Variants in RUFY1 observed in about 807,000 individuals in gnomAD.
RUFY1 encodes the protein RUN and FYVE domain-containing protein 1.
Under a neutral mutation model 94.6 loss-of-function variants are expected in RUFY1, and 54 were observed. That is an observed-to-expected ratio of 0.57 (90% CI 0.46 to 0.72). RUFY1 has a LOEUF of 0.72. Ranked by LOEUF, RUFY1 falls within the 30% of genes least tolerant of loss-of-function variation. The probability of loss-of-function intolerance (pLI) is 0.00; values close to 1 mark genes in which losing one functional copy is unlikely to be tolerated. For missense variants in RUFY1, 883 were observed against 883.9 expected (o/e 1.00, Z 0.01); for synonymous variants, 396 against 347.3 (o/e 1.14, Z -1.56).
At chr5:179,580,542 A>AGTTTTTTTT (rs1039678004) in intron 6 of RUFY1, among the ~76,000 whole-genome samples, 1 of 139,750 alleles carries the variant, frequency 7.2e-6, no homozygotes, top group Non-Finnish European at 1.5e-5. Flanking sequence ...ACGCCTGGCC[A>AGTTTTTTTT]GTTTTTTTTG....
intron 5 of RUFY1, chr5:179,572,109 C>T (rs748961707): frequency 5.4e-6 from 1 of 183,684 alleles, no homozygotes; most frequent in South Asian, 8.7e-5. Context: ...TGAGTCCACG[C>T]GTCTGGTTGT....
chr5:179,576,607 G>A (rs1763630687), intron 5 of RUFY1, among the ~76,000 whole-genome samples: 1 of 152,018 alleles, frequency 6.6e-6, no homozygotes, highest in South Asian at 2.1e-4. Context: ...TTTTAGTAGA[G>A]ACAGGGTTTC....
chr5:179,592,527 C>T (rs924669654), intron 10 of RUFY1, among the ~76,000 whole-genome samples: 57 of 152,318 alleles, frequency 3.7e-4, no homozygotes, highest in Admixed American at 2.7e-3. Context: ...GCTGGGATTA[C>T]AGGCGTGAGC....
chr5:179,609,426 C>G lies in RUFY1; in HGVS notation c.2034C>G (p.Asn678Lys), dbSNP rs765631281. 6 of 1,613,322 alleles carry G rather than the reference C, an allele frequency of 3.7e-6. No homozygotes were observed. The African/African-American group carries it at 5.3e-5, about 14-fold the overall frequency. The change falls in exon 18 of 18, where the codon AAC becomes AAG. Residue 678 changes from asparagine (N) to lysine (K), a missense_variant. By Grantham distance (94) the Asn-to-Lys change is moderately conservative. Transcript: ENST00000319449. ...GHIFCNTCSS[N>K]ELALPSYPKP... ...TCTTCTGCAACACCTGCTCCAGCAA[C>G]GAGCTGGCCCTGCCCTCCTACCCCA...
At chr5:179,568,012 A>G (rs1255527004) in intron 4 of RUFY1, among the ~76,000 whole-genome samples, 1 of 152,226 alleles carries the variant, frequency 6.6e-6, no homozygotes, top group East Asian at 1.9e-4. Context: ...TGGGAGGCCA[A>G]GGCAGGCTGA....
intron 15 of RUFY1, among the ~76,000 whole-genome samples, chr5:179,603,249 A>T (rs1371356514): frequency 2.9e-5 from 4 of 135,852 alleles, no homozygotes; most frequent in African/African-American, 1.1e-4. Context: ...TGGGCAACAA[A>T]AGTGAGAATC....
chr5:179,589,502 GATTA>G (rs1397707491), intron 8 of RUFY1, 40 bp from the exon 9 acceptor site: 32 of 1,190,514 alleles, frequency 2.7e-5, no homozygotes, highest in Non-Finnish European at 3.6e-5. Context: ...TGAACAATAA[GATTA>G]ATTTTGATGT....
chr5:179,573,133 C>CA (rs1763345509), intron 5 of RUFY1, among the ~76,000 whole-genome samples: 1 of 152,146 alleles, frequency 6.6e-6, no homozygotes, highest in African/African-American at 2.4e-5. Flanking sequence ...ATGCCAGTGA[C>CA]ACATTCTTTT....
At chr5:179,607,528 A>G (rs1767229951) in intron 16 of RUFY1, 54 bp from the exon 17 acceptor site, 1 of 1,483,178 alleles carries the variant, frequency 6.7e-7, no homozygotes. Flanking sequence ...GCAGCTACCC[A>G]CTCATCAGGG....
chr5:179,579,654 C>CTTTT (rs1554118772), intron 6 of RUFY1, among the ~76,000 whole-genome samples: 2 of 38,666 alleles, frequency 5.2e-5, no homozygotes, highest in African/African-American at 8.2e-5. Flanking sequence ...CCCTTTTCTT[C>CTTTT]TTCTTTTTTT....
chr5:179,581,459 T>G lies in RUFY1; in HGVS notation c.956+447T>G, dbSNP rs932795239. ...CTTGATTTTTTTTTTTTTTTTTTTTTGCTGGAAATCTGTGGATGTGTTTCA... is the reference window on the plus strand; with the variant it reads ...CTTGATTTTTTTTTTTTTTTTTTTTGGCTGGAAATCTGTGGATGTGTTTCA... On this transcript the variant is annotated intron_variant, in intron 7 of 17. Coordinates refer to ENST00000319449, the MANE Select transcript of RUFY1 (RefSeq NM_025158.5). Among the ~76,000 whole-genome samples the G allele has an allele frequency of 3.4e-3, 472 of 140,428 alleles. 2 individuals carry two copies. The highest frequency in any genetic ancestry group is 5.0e-3 in the Non-Finnish European group (327 of 64,854). The allele number at this position is 140,428 out of a possible 152,430, so 92.1% of individuals were successfully genotyped here.
intron 11 of RUFY1, 41 bp from the exon 12 acceptor site, chr5:179,594,825 G>A (rs749993699): frequency 5.9e-5 from 70 of 1,186,886 alleles, no homozygotes; most frequent in Non-Finnish European, 5.9e-5. Context: ...GTGCAAGGAT[G>A]TGGGACAGGC....
chr5:179,608,767 A>G (rs947644576), intron 17 of RUFY1, among the ~76,000 whole-genome samples: 7 of 151,652 alleles, frequency 4.6e-5, no homozygotes, highest in Non-Finnish European at 1.0e-4. Context: ...CATCTCTACT[A>G]AAAAAATACA....
intron 13 of RUFY1, 114 bp from the exon 14 acceptor site, chr5:179,598,578 G>T: frequency 8.1e-7 from 1 of 1,237,176 alleles, no homozygotes; most frequent in South Asian, 1.4e-5. Flanking sequence ...GAAGGCTTTA[G>T]ATGCTCAAGA....
chr5:179,560,716 A>G (rs1369884057), intron 2 of RUFY1, among the ~76,000 whole-genome samples: 2 of 131,966 alleles, frequency 1.5e-5, no homozygotes, highest in African/African-American at 6.0e-5. Context: ...ACAGAGCAAG[A>G]CTCCGTCTCA....
intron 2 of RUFY1, among the ~76,000 whole-genome samples, chr5:179,560,977 G>A (rs901382958): frequency 6.6e-6 from 1 of 152,070 alleles, no homozygotes; most frequent in South Asian, 2.1e-4. Flanking sequence ...TTGGGAGGCC[G>A]AGACGGAAGG....
chr5:179,562,808 ACT>A (rs1762549230), intron 3 of RUFY1, 144 bp downstream of exon 3: 1 of 609,172 alleles, frequency 1.6e-6, no homozygotes, highest in East Asian at 2.8e-5. Flanking sequence ...GCAAGACTTG[ACT>A]CTCTCTGAGC....
intron 10 of RUFY1, among the ~76,000 whole-genome samples, chr5:179,592,915 G>T (rs916001386): frequency 2.9e-4 from 44 of 152,178 alleles, no homozygotes; most frequent in African/African-American, 9.4e-4. Flanking sequence ...AAACATGGTT[G>T]CTGGAACCTA....
chr5:179,568,910 T>G, intron 4 of RUFY1: 2 of 401,336 alleles, frequency 5.0e-6, no homozygotes, highest in Non-Finnish European at 6.8e-6. Context: ...AGGAGGAGTG[T>G]TATTCTTGGA....
Sources: gnomAD v4.1 joint callset for allele counts (sites outside exome capture counted in the v4.1 genomes callset) on GRCh38, gnomAD v4.1.1 for gene constraint, MANE v1.5 for transcripts, NCBI Gene and HGNC (gene_info 2026-07-23, HGNC 2026-07-21) for gene names.